The following KLHL32 variants were observed in gnomAD, a reference collection of about 807,000 sequenced individuals.
KLHL32 encodes kelch-like protein 32.
KLHL32 carries 35 observed loss-of-function variants against 64.8 expected under a neutral mutation model. The ratio of observed to expected loss-of-function variants is 0.54; its 90% CI spans 0.41 to 0.72. The LOEUF is 0.72. Ranked by LOEUF, KLHL32 falls within the 30% of genes least tolerant of loss-of-function variation. The pLI is 0.00. For missense variants in KLHL32, 589 were observed against 768.5 expected (o/e 0.77, Z 2.76); for synonymous variants, 259 against 281.0 (o/e 0.92, Z 0.78).
intron 3 of KLHL32, among the ~76,000 whole-genome samples, chr6:96,987,501 C>A (rs1377174245): frequency 2.0e-5 from 3 of 152,118 alleles, no homozygotes; most frequent in Non-Finnish European, 2.9e-5. Context: ...TAGGAAGAAT[C>A]AATATCATGA....
intron 6 of KLHL32, among the ~76,000 whole-genome samples, chr6:97,092,560 CA>C (rs1388526506): frequency 6.6e-6 from 1 of 152,138 alleles, no homozygotes; most frequent in Non-Finnish European, 1.5e-5. Flanking sequence ...AGAGAATAAA[CA>C]GTGGCTCCTT....
chr6:97,109,692 G>T (rs554606641), intron 6 of KLHL32, among the ~76,000 whole-genome samples: 48 of 152,326 alleles, frequency 3.2e-4, no homozygotes, highest in South Asian at 2.3e-3. Context: ...AGGAAGAGCT[G>T]ATTTATGAGG....
At chr6:97,030,505 C>T (rs1783385089) in intron 3 of KLHL32, among the ~76,000 whole-genome samples, 1 of 152,164 alleles carries the variant, frequency 6.6e-6, no homozygotes, top group African/African-American at 2.4e-5. Context: ...TTGTTGGTGG[C>T]AGCACATTAT....
intron 10 of KLHL32, among the ~76,000 whole-genome samples, chr6:97,138,176 C>A (rs1000129765): frequency 1.2e-4 from 19 of 152,188 alleles, no homozygotes; most frequent in Admixed American, 1.1e-3. Context: ...AAAGAATTTT[C>A]CTGCTTCAAA....
intron 3 of KLHL32, among the ~76,000 whole-genome samples, chr6:96,999,796 G>A (rs1043851453): frequency 1.3e-5 from 2 of 152,130 alleles, no homozygotes; most frequent in African/African-American, 4.8e-5. Flanking sequence ...AATGTGGTAA[G>A]AACAGATAAA....
At chr6:97,084,077 G>A (rs571432288) in intron 5 of KLHL32, among the ~76,000 whole-genome samples, 1 of 152,158 alleles carries the variant, frequency 6.6e-6, no homozygotes, top group Non-Finnish European at 1.5e-5. Flanking sequence ...ATGCACCTCA[G>A]TAAGGAGTTC....
At chr6:97,089,908 G>A (rs143336807) in intron 6 of KLHL32, among the ~76,000 whole-genome samples, 159 of 152,238 alleles carry the variant, frequency 1.0e-3, no homozygotes, top group African/African-American at 3.8e-3. Flanking sequence ...AAATTTGCTG[G>A]CTATGTGAGT....
chr6:96,924,423 G>A (rs1376234719), upstream of KLHL32, among the ~76,000 whole-genome samples: 1 of 150,336 alleles, frequency 6.7e-6, no homozygotes, highest in Admixed American at 6.6e-5. Flanking sequence ...CGTGGAGGAG[G>A]GTACTTCCGG....
At chr6:97,071,798 G>A (rs945600955) in intron 5 of KLHL32, among the ~76,000 whole-genome samples, 5 of 152,026 alleles carry the variant, frequency 3.3e-5, no homozygotes, top group South Asian at 4.1e-4. Flanking sequence ...TGTCATTGAC[G>A]TCATTCGGGT....
At chr6:96,977,866 T>C (rs1775880535) in intron 3 of KLHL32, among the ~76,000 whole-genome samples, 1 of 152,230 alleles carries the variant, frequency 6.6e-6, no homozygotes, top group Non-Finnish European at 1.5e-5. Context: ...AAAGTAGGGA[T>C]TTAATTCTAA....
chr6:97,073,761 C>G (rs1211388412), intron 5 of KLHL32, among the ~76,000 whole-genome samples: 1 of 152,174 alleles, frequency 6.6e-6, no homozygotes, highest in South Asian at 2.1e-4. Flanking sequence ...TTTTTCCTTA[C>G]TGGGAGAATG....
At chr6:97,078,613 C>T (rs1582949470) in intron 5 of KLHL32, among the ~76,000 whole-genome samples, 1 of 152,236 alleles carries the variant, frequency 6.6e-6, no homozygotes, top group East Asian at 1.9e-4. Flanking sequence ...TAACCCAAGT[C>T]ATAGTTTTCT....
intron 6 of KLHL32, among the ~76,000 whole-genome samples, chr6:97,086,674 A>T (rs1240952744): frequency 6.6e-6 from 1 of 152,182 alleles, no homozygotes; most frequent in Admixed American, 6.5e-5. Context: ...TAAAGAATAA[A>T]TTTTTTGTGG....
intron 5 of KLHL32, among the ~76,000 whole-genome samples, chr6:97,077,574 G>A (rs10456880): frequency 0.019 from 2,939 of 152,218 alleles, 43 homozygotes; most frequent in Non-Finnish European, 0.029. Flanking sequence ...CCACAAGAGG[G>A]CATTCCATTT....
In KLHL32 at chr6:97,139,463, T is replaced by A; in HGVS notation, c.*181T>A. On this transcript the variant is annotated 3_prime_UTR_variant, in exon 11 of 11. Transcript: ENST00000369261. ...ATTGAAAACTCGTCACCCTTCTCAG[T>A]GTATGTCAACATTCAATATGTATGA... 1.7e-6 allele frequency: 1 copy of A among 582,116 alleles called. No homozygotes were observed. The highest frequency in any genetic ancestry group is 2.9e-5 in the East Asian group (1 of 34,386). 36.1% of individuals were successfully genotyped at this position (582,116 alleles called of 1,614,324 possible).
At chr6:96,973,730 C>CTCTTTCTTTTTTTTTTTTTTTTTT (rs1554208428) in intron 2 of KLHL32, among the ~76,000 whole-genome samples, 1 of 118,256 alleles carries the variant, frequency 8.5e-6, no homozygotes, top group African/African-American at 3.3e-5. Context: ...TACAGATTGC[C>CTCTTTCTTTTTTTTTTTTTTTTTT]TTTTTTTTTT....
chr6:97,126,698 A>C (rs1372616889), intron 7 of KLHL32, among the ~76,000 whole-genome samples: 2 of 152,188 alleles, frequency 1.3e-5, no homozygotes, highest in Non-Finnish European at 2.9e-5. Flanking sequence ...TCAAATATAC[A>C]CTGGCTTTTG....
At chr6:97,125,546 T>A (rs1383090463) in intron 7 of KLHL32, among the ~76,000 whole-genome samples, 2 of 151,980 alleles carry the variant, frequency 1.3e-5, no homozygotes, top group African/African-American at 4.8e-5. Context: ...AGCACTGGGG[T>A]GATTTAGTAG....
intron 3 of KLHL32, among the ~76,000 whole-genome samples, chr6:96,982,440 G>T (rs1320651826): frequency 2.0e-5 from 3 of 152,116 alleles, no homozygotes; most frequent in Non-Finnish European, 2.9e-5. Context: ...GCCTTTGGGG[G>T]TCATTGCATG....
Sources: allele counts gnomAD v4.1 joint callset (sites outside exome capture counted in the v4.1 genomes callset), GRCh38; gene constraint gnomAD v4.1.1; transcripts MANE v1.5; gene names NCBI Gene and HGNC (gene_info 2026-07-23, HGNC 2026-07-21).